Variants in DOCK4 observed in about 807,000 individuals in gnomAD.
DOCK4 encodes dedicator of cytokinesis protein 4.
In DOCK4, 97 loss-of-function variants were observed where a neutral mutation model predicts 268.1. The observed-to-expected ratio is 0.36, with a 90% confidence interval of 0.31 to 0.43. The LOEUF is 0.43. DOCK4 is among the 20% of genes least tolerant of loss of function. The pLI, the probability that DOCK4 is intolerant of heterozygous loss-of-function variation, is 1.00. For synonymous variants in DOCK4, 954 were observed against 887.2 expected, an observed-to-expected ratio of 1.08 and a Z score of -1.34; for missense variants, 2,145 against 2,455.7, an observed-to-expected ratio of 0.87 and a Z score of 2.67.
At chr7:111,895,246 C>A (rs1478129352) in intron 16 of DOCK4, among the ~76,000 whole-genome samples, 1 of 152,122 alleles carries the variant, frequency 6.6e-6, no homozygotes, top group Non-Finnish European at 1.5e-5. Context: ...CAATGCTGAC[C>A]TTGCTAAATT....
In DOCK4 at chr7:111,918,386, C is replaced by A. The variant is rs187033225; in HGVS notation, c.1067-2482G>T. Among the ~76,000 whole-genome samples the A allele has an allele frequency of 2.0e-3, 309 of 152,162 alleles. 1 individual carries two copies. Among genetic ancestry groups the A allele is most frequent in the Non-Finnish European group, 3.3e-3 (224 of 68,002 alleles). On this transcript the variant is annotated intron_variant, in intron 12 of 52. Transcript: ENST00000428084. Reference sequence around the variant, plus strand: ...CCCCATTCACTCTGAGTTAGGTGACCGATGACAATAAAATGGAGAGTGTCT... The same window carrying A: ...CCCCATTCACTCTGAGTTAGGTGACAGATGACAATAAAATGGAGAGTGTCT...
intron 32 of DOCK4, chr7:111,784,384 C>T: frequency 1.5e-6 from 1 of 651,946 alleles, no homozygotes; most frequent in Admixed American, 2.1e-5. Flanking sequence ...ATTTTCCTAC[C>T]TCTCAGTGGA....
chr7:111,786,936 T>A (rs1799211713), intron 32 of DOCK4, among the ~76,000 whole-genome samples: 1 of 152,194 alleles, frequency 6.6e-6, no homozygotes, highest in South Asian at 2.1e-4. Flanking sequence ...TGAAAGGAAA[T>A]TATTTATAGT....
At chr7:111,743,905 G>A (rs993576715) in intron 44 of DOCK4, among the ~76,000 whole-genome samples, 16 of 152,214 alleles carry the variant, frequency 1.1e-4, no homozygotes, top group African/African-American at 2.6e-4. Context: ...CTGCAACCTC[G>A]AACTCCTGGG....
rs57672966 is a variant in DOCK4 at position 112,113,734 on chromosome 7, ATTTTTTTTTTTTTTTTTTTTTTTTT to A, written c.37+92343_37+92367del. Reference sequence around the variant, plus strand: ...AGGCATGCACCACCATACTTGGCTGATTTTTTTTTTTTTTTTTTTTTTTTTTTTTTTTTTTTTTTTTTTTGTAGAG... The same window carrying A: ...AGGCATGCACCACCATACTTGGCTGATTTTTTTTTTTTTTTTTTTGTAGAG... On this transcript the variant is annotated intron_variant, in intron 1 of 52. Transcript: ENST00000428084. 7.1e-4 allele frequency among the ~76,000 whole-genome samples: 35 copies of A among 49,548 alleles called. No individual in the cohort carries two copies. The South Asian group carries it at 9.3e-3, about 13-fold the overall frequency. The allele number at this position is 49,548 out of a possible 152,430, so 32.5% of individuals were successfully genotyped here. A position where few individuals can be genotyped will look rare whatever the true frequency, so the allele number is the denominator to read the frequency against.
intron 1 of DOCK4, among the ~76,000 whole-genome samples, chr7:112,155,635 C>T (rs1428067): frequency 0.15 from 22,334 of 152,224 alleles, 2,178 homozygotes; most frequent in Non-Finnish European, 0.22. Flanking sequence ...GTCCTCTTCC[C>T]CTCCTTCAGT....
chr7:112,153,585 C>CTAAGT (rs1447487070), intron 1 of DOCK4, among the ~76,000 whole-genome samples: 2 of 152,180 alleles, frequency 1.3e-5, no homozygotes, highest in Non-Finnish European at 2.9e-5. Context: ...AAATTTAGCT[C>CTAAGT]TAAGTCAGTT....
chr7:112,008,768 C>A (rs1188561752), intron 1 of DOCK4, among the ~76,000 whole-genome samples: 1 of 152,182 alleles, frequency 6.6e-6, no homozygotes, highest in Non-Finnish European at 1.5e-5. Flanking sequence ...CCGAGGCAGG[C>A]AGATCACTTG....
intron 1 of DOCK4, among the ~76,000 whole-genome samples, chr7:112,061,464 A>G (rs1448545916): frequency 6.6e-6 from 1 of 152,138 alleles, no homozygotes; most frequent in Non-Finnish European, 1.5e-5. Context: ...GCCCAGGAGC[A>G]AGATACAAAC....
intron 1 of DOCK4, among the ~76,000 whole-genome samples, chr7:112,037,867 A>G (rs1262391612): frequency 1.3e-5 from 2 of 152,320 alleles, no homozygotes; most frequent in South Asian, 4.1e-4. Context: ...GGACTGTATG[A>G]AAGTTCCAGT....
Position 111,811,950 on chromosome 7 carries a change from C to G in DOCK4, c.2931-1G>C. 1 of 1,471,870 alleles carries G rather than the reference C, an allele frequency of 6.8e-7. No individual in the cohort carries two copies. The highest frequency in any genetic ancestry group is 9.2e-7 in the Non-Finnish European group (1 of 1,089,708). 91.2% of individuals were successfully genotyped at this position (1,471,870 alleles called of 1,614,324 possible). A position where few individuals can be genotyped will look rare whatever the true frequency, so the allele number is the denominator to read the frequency against. On this transcript the variant is annotated splice_acceptor_variant, in intron 27 of 52. Coordinates refer to ENST00000428084, the MANE Select transcript of DOCK4 (RefSeq NM_001363540.2). LOFTEE classifies it high-confidence loss of function. ...GTATAGAACTGTTGTAATAATAACA[C>G]TAGTGATAAAAAAAATGACAAGGTG...
chr7:112,033,476 C>T (rs1803464247), intron 1 of DOCK4, among the ~76,000 whole-genome samples: 1 of 152,210 alleles, frequency 6.6e-6, no homozygotes, highest in Admixed American at 6.5e-5. Context: ...TTCAGCAGTA[C>T]TTTTCAAGGT....
At chr7:111,902,605 G>A (rs73205393) in intron 13 of DOCK4, among the ~76,000 whole-genome samples, 32 of 152,138 alleles carry the variant, frequency 2.1e-4, no homozygotes, top group Admixed American at 3.9e-4. Flanking sequence ...TTAAACTAGC[G>A]GGAAATAATA....
chr7:112,042,000 G>C, intron 1 of DOCK4, among the ~76,000 whole-genome samples: 1 of 152,272 alleles, frequency 6.6e-6, no homozygotes, highest in South Asian at 2.1e-4. Context: ...TGGCACACGC[G>C]TGTAGTCCTA....
At chr7:112,182,968 C>T (rs539637057) in intron 1 of DOCK4, among the ~76,000 whole-genome samples, 4 of 152,366 alleles carry the variant, frequency 2.6e-5, no homozygotes, top group African/African-American at 9.6e-5. Flanking sequence ...TGGCTTCCAG[C>T]TGCCACTTGC....
At chr7:112,167,819 C>G (rs1817733329) in intron 1 of DOCK4, among the ~76,000 whole-genome samples, 1 of 152,106 alleles carries the variant, frequency 6.6e-6, no homozygotes, top group Non-Finnish European at 1.5e-5. Flanking sequence ...CTTTTTAAGA[C>G]TTTTAATTTC....
intron 12 of DOCK4, among the ~76,000 whole-genome samples, chr7:111,926,380 G>A (rs1212645487): frequency 1.5e-4 from 21 of 143,114 alleles, no homozygotes; most frequent in Admixed American, 1.4e-4. Flanking sequence ...GCAGTGAGCC[G>A]AGATCACGCC....
chr7:111,959,563 A>G (rs1043624168), intron 8 of DOCK4, among the ~76,000 whole-genome samples: 2 of 152,176 alleles, frequency 1.3e-5, no homozygotes, highest in African/African-American at 2.4e-5. Flanking sequence ...TCTCTTAACT[A>G]TGTTATGCAC....
At chr7:111,791,367 G>A (rs1410073417) in intron 30 of DOCK4, among the ~76,000 whole-genome samples, 1 of 150,888 alleles carries the variant, frequency 6.6e-6, no homozygotes, top group Non-Finnish European at 1.5e-5. Flanking sequence ...TCTGGATGGT[G>A]AGATTACGGG....
Sources: allele counts gnomAD v4.1 joint callset (sites outside exome capture counted in the v4.1 genomes callset), GRCh38; gene constraint gnomAD v4.1.1; transcripts MANE v1.5; gene names NCBI Gene and HGNC (gene_info 2026-07-23, HGNC 2026-07-21).